Variants in MAK observed in about 807,000 individuals in gnomAD.
The protein encoded by MAK is serine/threonine-protein kinase MAK.
MAK carries 65 observed loss-of-function variants against 82.6 expected under a neutral mutation model. The ratio of observed to expected loss-of-function variants is 0.79; its 90% confidence interval spans 0.64 to 0.97. MAK has a LOEUF of 0.97. Ranked by LOEUF, MAK falls within the 50% of genes least tolerant of loss-of-function variation. The pLI is 0.00. For synonymous variants in MAK, 250 were observed against 274.2 expected (o/e 0.91, Z 0.87); for missense variants, 703 against 780.2 (o/e 0.90, Z 1.18).
At chr6:10,804,998 T>C (rs1776297442) in intron 6 of MAK, among the ~76,000 whole-genome samples, 1 of 148,690 alleles carries the variant, frequency 6.7e-6, no homozygotes, top group African/African-American at 2.5e-5. Flanking sequence ...TCCTCCCATA[T>C]CCTAGATATG....
chr6:10,818,259 AAAATTGTATCC>A (rs1442251083), intron 3 of MAK, among the ~76,000 whole-genome samples: 2 of 152,248 alleles, frequency 1.3e-5, no homozygotes, highest in East Asian at 1.9e-4. Flanking sequence ...AAAGGTATCC[AAAATTGTATCC>A]AAGTCTTTAA....
intron 11 of MAK, among the ~76,000 whole-genome samples, chr6:10,781,780 G>C (rs1429547497): frequency 1.3e-5 from 2 of 152,056 alleles, no homozygotes; most frequent in East Asian, 3.8e-4. Context: ...CTACCAATAA[G>C]ATATGTATAC....
intron 10 of MAK, among the ~76,000 whole-genome samples, chr6:10,785,261 CCCTGAGGCCTGTT>C (rs977880403): frequency 4.3e-4 from 65 of 152,300 alleles, no homozygotes; most frequent in African/African-American, 1.4e-3. Context: ...CGAGGCCTGT[CCCTGAGGCCTGTT>C]TGACCAGGCA....
rs145735489 is a variant in MAK at position 10,790,248 on chromosome 6, A to G, written c.1316+1427T>C. Among the ~76,000 whole-genome samples, 575 of 152,234 alleles carry G rather than the reference A, an allele frequency of 3.8e-3. 3 individuals are homozygous for G. Among genetic ancestry groups the G allele is most frequent in the African/African-American group, 0.013 (560 of 41,528 alleles). On this transcript the variant is annotated intron_variant, in intron 10 of 14. Coordinates refer to ENST00000354489, the MANE Select transcript of MAK (RefSeq NM_001242957.3). ...AAGACCTGGAAACGGATTGCATAAG[A>G]GTTATCCAAGCAAAAAAAGAATTAT...
In MAK at chr6:10,763,850, C is replaced by CA. The variant is rs60516370; in HGVS notation, c.*601dup. ...TGGACACAAGAGTGAAACATCGCCT[C>CA]AAAAAAAAAAAAAAAGATATCCTGC... On this transcript the variant is annotated 3_prime_UTR_variant, in exon 15 of 15. Coordinates refer to ENST00000354489, the MANE Select transcript of MAK (RefSeq NM_001242957.3). 95,229 of 137,534 alleles carry CA rather than the reference C, an allele frequency of 0.69. 33,299 individuals carry two copies. Among genetic ancestry groups the CA allele is most frequent in the East Asian group, 0.91 (4,365 of 4,818 alleles). 8.5% of individuals were successfully genotyped at this position (137,534 alleles called of 1,614,324 possible). A position where few individuals can be genotyped will look rare whatever the true frequency, so the allele number is the denominator to read the frequency against.
At chr6:10,808,069 A>C (rs576661590) in intron 6 of MAK, among the ~76,000 whole-genome samples, 1 of 151,080 alleles carries the variant, frequency 6.6e-6, no homozygotes, top group South Asian at 2.1e-4. Flanking sequence ...CTCCATCTCA[A>C]AAAAAAAAGA....
At chr6:10,775,509 TAAAGG>T (rs1773390366) in intron 11 of MAK, 50 bp from the exon 12 acceptor site, 1 of 1,592,980 alleles carries the variant, frequency 6.3e-7, no homozygotes, top group Non-Finnish European at 8.6e-7. Flanking sequence ...ATCATAAACT[TAAAGG>T]AAACTTATGT....
rs371362694 is a variant in MAK at position 10,820,029 on chromosome 6, G to A, written c.102-1089C>T. ...TGGGTGGCTGAGGCAGGAGAAGGGC[G>A]TGAACCCGGGAGGTGGAGCTTGCAG... On this transcript the variant is annotated intron_variant, in intron 2 of 14. Transcript: ENST00000354489. 8.6e-5 allele frequency among the ~76,000 whole-genome samples: 13 copies of A among 151,240 alleles called. No homozygotes were observed. In the East Asian group the frequency reaches 1.6e-3, roughly 18 times the overall value.
At chr6:10,794,563 A>G (rs2127545823) in intron 9 of MAK, among the ~76,000 whole-genome samples, 1 of 152,342 alleles carries the variant, frequency 6.6e-6, no homozygotes, top group South Asian at 2.1e-4. Context: ...ACCGATTTCC[A>G]TCCTAAAATG....
intron 10 of MAK, among the ~76,000 whole-genome samples, chr6:10,787,902 T>C (rs767245794): frequency 3.3e-5 from 5 of 151,870 alleles, no homozygotes; most frequent in Non-Finnish European, 5.9e-5. Flanking sequence ...CATGAAAAAT[T>C]CACTGTCATA....
intron 11 of MAK, chr6:10,780,148 G>T: frequency 1.8e-6 from 1 of 551,800 alleles, no homozygotes; most frequent in Non-Finnish European, 2.3e-6. Context: ...CCGCCAATAG[G>T]TGACAGTAAG....
intron 1 of MAK, among the ~76,000 whole-genome samples, chr6:10,831,931 C>T (rs1562010568): frequency 6.6e-6 from 1 of 152,098 alleles, no homozygotes; most frequent in African/African-American, 2.4e-5. Flanking sequence ...GCTGAAAAGA[C>T]AAAAAAGAAT....
At chr6:10,797,720 A>G in intron 8 of MAK, 1 of 1,166,024 alleles carries the variant, frequency 8.6e-7, no homozygotes, top group East Asian at 7.3e-5. Context: ...ATAGGTGGGA[A>G]CATAGCCCTG....
intron 1 of MAK, among the ~76,000 whole-genome samples, chr6:10,831,466 A>C (rs1778803415): frequency 6.6e-6 from 1 of 152,184 alleles, no homozygotes; most frequent in Non-Finnish European, 1.5e-5. Context: ...GAAATAAGAA[A>C]CATAGCCGGG....
chr6:10,809,872 G>T (rs1222669491), intron 5 of MAK, among the ~76,000 whole-genome samples: 2 of 152,120 alleles, frequency 1.3e-5, no homozygotes, highest in East Asian at 3.9e-4. Context: ...GGCCGAGGTA[G>T]GTGGATCATG....
chr6:10,781,220 T>C (rs909951193), intron 11 of MAK, among the ~76,000 whole-genome samples: 26 of 152,114 alleles, frequency 1.7e-4, no homozygotes, highest in African/African-American at 6.3e-4. Flanking sequence ...TATCAAGAAA[T>C]ATGGGCAGAT....
At chr6:10,777,840 G>A (rs1388815593) in intron 11 of MAK, among the ~76,000 whole-genome samples, 3 of 152,106 alleles carry the variant, frequency 2.0e-5, no homozygotes, top group African/African-American at 4.8e-5. Context: ...GTTTCTCCAT[G>A]TTGGTCAGGC....
chr6:10,795,112 G>A (rs1042467796), intron 9 of MAK, among the ~76,000 whole-genome samples: 5 of 152,140 alleles, frequency 3.3e-5, no homozygotes, highest in African/African-American at 7.2e-5. Context: ...TCAGTACTCT[G>A]GAGTACCCGA....
intron 6 of MAK, among the ~76,000 whole-genome samples, chr6:10,804,392 G>A (rs1776246387): frequency 6.6e-6 from 1 of 152,258 alleles, no homozygotes; most frequent in East Asian, 1.9e-4. Context: ...GCCCAGGCTG[G>A]AGTGCAATGG....
Sources: gnomAD v4.1 joint callset for allele counts (sites outside exome capture counted in the v4.1 genomes callset) on GRCh38, gnomAD v4.1.1 for gene constraint, MANE v1.5 for transcripts, NCBI Gene and HGNC (gene_info 2026-07-23, HGNC 2026-07-21) for gene names.